The following B3GALT5 variants were observed in gnomAD, a reference collection of about 807,000 sequenced individuals.
The protein encoded by B3GALT5 is UDP-Gal:betaGlcNAc beta 1,3-galactosyltransferase, polypeptide 5.
For synonymous variants in B3GALT5, 156 were observed against 158.6 expected, an observed-to-expected ratio of 0.98 and a Z score of 0.12; for missense variants, 328 against 396.6, an observed-to-expected ratio of 0.83 and a Z score of 1.47.
chr21:39,635,263 T>C (rs745309189), intron 1 of B3GALT5, among the ~76,000 whole-genome samples: 9 of 152,114 alleles, frequency 5.9e-5, no homozygotes, highest in Non-Finnish European at 1.2e-4. Flanking sequence ...CGTGGATTTT[T>C]CCCACAGCTA....
At chr21:39,648,922 G>T (rs1157006417) in intron 2 of B3GALT5, among the ~76,000 whole-genome samples, 1 of 152,170 alleles carries the variant, frequency 6.6e-6, no homozygotes, top group Non-Finnish European at 1.5e-5. Context: ...GGAGGCCCTC[G>T]CCAGAACCCG....
At chr21:39,626,931 AT>A (rs2079167092) in intron 1 of B3GALT5, among the ~76,000 whole-genome samples, 1 of 152,042 alleles carries the variant, frequency 6.6e-6, no homozygotes, top group African/African-American at 2.4e-5. Flanking sequence ...AGCAGTCATC[AT>A]TTCTTACGTT....
chr21:39,613,579 G>A (rs1033476661), intron 1 of B3GALT5, among the ~76,000 whole-genome samples: 1 of 152,222 alleles, frequency 6.6e-6, no homozygotes, highest in Non-Finnish European at 1.5e-5. Flanking sequence ...GACCAGAAGG[G>A]AGTCTGTAGG....
rs2079545269 is a variant in B3GALT5 at position 39,663,163 on chromosome 21, A to G, written c.*1671A>G. ...GGTTCCATAGGATGGGCCGCCTCTC[A>G]TTCTGAAGATGACTGTGCTTTGAGG... On this transcript the variant is annotated 3_prime_UTR_variant, in exon 4 of 4. Transcript: ENST00000684187. 6.6e-6 allele frequency: 1 copy of G among 152,322 alleles called. No individual in the cohort carries two copies. The highest frequency in any genetic ancestry group is 2.4e-5 in the African/African-American group (1 of 41,454). The allele number at this position is 152,322 out of a possible 1,614,324, so 9.4% of individuals were successfully genotyped here.
At chr21:39,659,383 T>G (rs2079485736) in intron 2 of B3GALT5, among the ~76,000 whole-genome samples, 1 of 152,254 alleles carries the variant, frequency 6.6e-6, no homozygotes. Context: ...ATTGGATTTA[T>G]TCTCTGTGTT....
intron 1 of B3GALT5, among the ~76,000 whole-genome samples, chr21:39,622,538 A>C (rs940932753): frequency 6.6e-6 from 1 of 152,048 alleles, no homozygotes; most frequent in African/African-American, 2.4e-5. Flanking sequence ...ACATAGCTGC[A>C]TTAGGGGTTG....
intron 1 of B3GALT5, among the ~76,000 whole-genome samples, chr21:39,645,281 C>T (rs927058417): frequency 6.6e-6 from 1 of 152,154 alleles, no homozygotes; most frequent in African/African-American, 2.4e-5. Flanking sequence ...ACAACTTTCT[C>T]AGCTGATGTT....
chr21:39,638,259 G>C (rs1307256932), intron 1 of B3GALT5, among the ~76,000 whole-genome samples: 1 of 152,132 alleles, frequency 6.6e-6, no homozygotes, highest in Non-Finnish European at 1.5e-5. Context: ...CCCCCATACT[G>C]TGCCTGTAAA....
Position 39,671,133 on chromosome 21 carries a change from TCATTCATGACAGCAGA to T in B3GALT5, c.*9642_*9657del, listed in dbSNP as rs2079624116. ...ACCCTCCTCTTATAATAACATTAAT[TCATTCATGACAGCAGA>T]ACCCTCCTGACCCAGTCACCTCTTA... is the stretch of plus-strand genomic sequence containing the variant. On this transcript the variant is annotated 3_prime_UTR_variant, in exon 4 of 4. Transcript: ENST00000684187. 6.6e-6 allele frequency: 1 copy of T among 152,228 alleles called. No homozygotes were observed. Among genetic ancestry groups the T allele is most frequent in the African/African-American group, 2.4e-5 (1 of 41,474 alleles). 9.4% of individuals were successfully genotyped at this position (152,228 alleles called of 1,614,324 possible). A position where few individuals can be genotyped will look rare whatever the true frequency, so the allele number is the denominator to read the frequency against.
intron 1 of B3GALT5, among the ~76,000 whole-genome samples, chr21:39,636,068 A>G (rs1602268041): frequency 6.6e-6 from 1 of 152,248 alleles, no homozygotes. Context: ...ATGATCCACC[A>G]TAAACCACAG....
At chr21:39,628,676 TG>T (rs1286523451) in intron 1 of B3GALT5, among the ~76,000 whole-genome samples, 2 of 152,224 alleles carry the variant, frequency 1.3e-5, no homozygotes, top group Admixed American at 6.5e-5. Flanking sequence ...TACATTGCTT[TG>T]AAGATGAAAT....
chr21:39,622,669 T>A (rs1469830916), intron 1 of B3GALT5, among the ~76,000 whole-genome samples: 1 of 152,160 alleles, frequency 6.6e-6, no homozygotes, highest in Non-Finnish European at 1.5e-5. Context: ...ACCTGCTTAT[T>A]GTGTTTCTAA....
At chr21:39,623,640 T>A (rs1006193444) in intron 1 of B3GALT5, among the ~76,000 whole-genome samples, 8 of 152,152 alleles carry the variant, frequency 5.3e-5, no homozygotes, top group African/African-American at 1.9e-4. Flanking sequence ...GTATCTTCTA[T>A]ATGTATTATT....
intron 1 of B3GALT5, among the ~76,000 whole-genome samples, chr21:39,617,937 A>G (rs750462627): frequency 1.3e-5 from 2 of 152,094 alleles, no homozygotes; most frequent in East Asian, 3.9e-4. Flanking sequence ...CAAGAGTTTG[A>G]TACCAGCCTG....
intron 2 of B3GALT5, among the ~76,000 whole-genome samples, chr21:39,648,921 C>T (rs934843689): frequency 3.3e-5 from 5 of 152,192 alleles, no homozygotes; most frequent in African/African-American, 1.2e-4. Context: ...AGGAGGCCCT[C>T]GCCAGAACCC....
rs2079581457 is a variant in B3GALT5 at position 39,666,708 on chromosome 21, A to T, written c.*5216A>T. 1 of 152,316 alleles carries T rather than the reference A, an allele frequency of 6.6e-6. No homozygotes were observed. The highest frequency in any genetic ancestry group is 1.5e-5 in the Non-Finnish European group (1 of 68,120). The allele number at this position is 152,316 out of a possible 1,614,324, so 9.4% of individuals were successfully genotyped here. Reference sequence around the variant, plus strand: ...GCCTTAAAAAACAAAACAAAACCCTAAATGTATTTAATTCCTGCTCCTCTT... The same window carrying T: ...GCCTTAAAAAACAAAACAAAACCCTTAATGTATTTAATTCCTGCTCCTCTT... On this transcript the variant is annotated 3_prime_UTR_variant, in exon 4 of 4. Transcript: ENST00000684187.
rs1309569662 is a variant in B3GALT5 at position 39,663,217 on chromosome 21, G to T, written c.*1725G>T. The stretch of plus-strand genomic sequence containing the variant: ...AAGTCGTCTGTTTGGCAGTAGGCCT[G>T]CGTCTGTGTTTCGTGGTCTACCTTG... On this transcript the variant is annotated 3_prime_UTR_variant, in exon 4 of 4. Transcript: ENST00000684187. 2 of 152,396 alleles carry T rather than the reference G, an allele frequency of 1.3e-5. No homozygotes were observed. The allele number at this position is 152,396 out of a possible 1,614,324, so 9.4% of individuals were successfully genotyped here.
Position 39,661,426 on chromosome 21 carries a change from T to A in B3GALT5, c.867T>A (p.Pro289=), listed in dbSNP as rs745684366. 1 of 1,551,472 alleles carries A rather than the reference T, an allele frequency of 6.4e-7. No individual in the cohort carries two copies. Among genetic ancestry groups the A allele is most frequent in the Non-Finnish European group, 8.7e-7 (1 of 1,150,864 alleles). The change falls in exon 4 of 4, where the codon CCT becomes CCA. Residue 289 remains proline (P), a synonymous_variant. Coordinates refer to ENST00000684187, the MANE Select transcript of B3GALT5 (RefSeq NM_001356336.2). This position sits in a 1 kb window ranked among gnomAD's most constrained non-coding sequence, Gnocchi z 4.7. ...RRIVACHFIK[P]RTLLDYWQAL... is the part of the protein sequence containing the mutation. The stretch of plus-strand genomic sequence containing the variant: ...TCGTGGCCTGCCACTTCATCAAGCC[T>A]CGGACTCTCTTGGACTACTGGCAGG...
intron 1 of B3GALT5, among the ~76,000 whole-genome samples, chr21:39,628,461 G>T (rs549576659): frequency 6.6e-6 from 1 of 152,278 alleles, no homozygotes; most frequent in Admixed American, 6.5e-5. Flanking sequence ...GTGTGCACAC[G>T]TTTTAGCACC....
Sources: gnomAD v4.1 joint callset for allele counts (sites outside exome capture counted in the v4.1 genomes callset) on GRCh38, gnomAD v4.1.1 for gene constraint, Gnocchi (gnomAD v3.1) non-coding constraint, MANE v1.5 for transcripts, NCBI Gene and HGNC (gene_info 2026-07-23, HGNC 2026-07-21) for gene names.